The following ACSL5 variants were observed in gnomAD, a reference collection of about 807,000 sequenced individuals.
ACSL5 encodes the protein long-chain-fatty-acid--CoA ligase 5.
In ACSL5, 50 loss-of-function variants were observed where a neutral mutation model predicts 84.9. The observed-to-expected ratio is 0.59, with a 90% CI of 0.47 to 0.75. The LOEUF is 0.75. Ranked by LOEUF, ACSL5 falls within the 30% of genes least tolerant of loss-of-function variation. The probability of loss-of-function intolerance (pLI) is 0.00; values close to 1 mark genes in which losing one functional copy is unlikely to be tolerated. For missense variants in ACSL5, 775 were observed against 830.4 expected (o/e 0.93, Z 0.82); for synonymous variants, 280 against 300.7 (o/e 0.93, Z 0.71).
chr10:112,427,260 A>C lies in ACSL5; in HGVS notation c.1954A>C (p.Asn652His), dbSNP rs200993829. 5.3e-5 allele frequency: 86 copies of C among 1,613,656 alleles called. No individual in the cohort carries two copies. Among genetic ancestry groups the C allele is most frequent in the Non-Finnish European group, 6.8e-5 (80 of 1,179,886 alleles). Residue 652 changes from asparagine to histidine, a missense_variant, in exon 21 of 21, where the codon AAT becomes CAT. Coordinates refer to ENST00000354655, the MANE Select transcript of ACSL5 (RefSeq NM_203379.2). ...FLHPEPFSIENGLLTPTLKAK... is the reference protein window; with the variant it reads ...FLHPEPFSIEHGLLTPTLKAK... ...TCATCCAGAGCCATTTTCCATTGAAAATGGGCTCTTGACACCAACATTGAA... is the reference window on the plus strand; with the variant it reads ...TCATCCAGAGCCATTTTCCATTGAACATGGGCTCTTGACACCAACATTGAA...
chr10:112,405,085 G>A (rs1477037183), intron 5 of ACSL5, among the ~76,000 whole-genome samples: 1 of 152,132 alleles, frequency 6.6e-6, no homozygotes, highest in Non-Finnish European at 1.5e-5. Flanking sequence ...AGGAAAATAA[G>A]GAAGCTAGGA....
chr10:112,407,737 A>G (rs1844077564), intron 5 of ACSL5, among the ~76,000 whole-genome samples: 1 of 152,146 alleles, frequency 6.6e-6, no homozygotes, highest in Non-Finnish European at 1.5e-5. Context: ...CTCTACCTCC[A>G]TAACCAAATC....
intron 20 of ACSL5, 96 bp downstream of exon 20, chr10:112,426,955 T>C (rs1844748861): frequency 8.6e-7 from 1 of 1,160,464 alleles, no homozygotes; most frequent in Non-Finnish European, 1.3e-6. Context: ...TTCTAAGGAA[T>C]TGATTTTAGA....
intron 19 of ACSL5, 51 bp from the exon 20 acceptor site, chr10:112,426,737 C>A: frequency 6.5e-7 from 1 of 1,549,084 alleles, no homozygotes; most frequent in Non-Finnish European, 8.9e-7. Context: ...ATGCTTAGCC[C>A]TTCAGGCTTT....
At chr10:112,426,384 A>G in intron 19 of ACSL5, 25 bp downstream of exon 19, 3 of 1,589,290 alleles carry the variant, frequency 1.9e-6, no homozygotes, top group Middle Eastern at 1.7e-4. Flanking sequence ...GGAAAGCTTT[A>G]TGCACACCCA....
chr10:112,382,319 T>A (rs1849365927), intron 1 of ACSL5, among the ~76,000 whole-genome samples: 2 of 152,212 alleles, frequency 1.3e-5, no homozygotes, highest in Admixed American at 1.3e-4. Flanking sequence ...CTGCAAACTT[T>A]CCTTCAGCAG....
At chr10:112,420,895 T>C (rs1214101301) in intron 14 of ACSL5, among the ~76,000 whole-genome samples, 4 of 152,094 alleles carry the variant, frequency 2.6e-5, no homozygotes, top group Non-Finnish European at 4.4e-5. Context: ...CTAATTTTTG[T>C]ATTTTTAGTA....
chr10:112,404,396 C>A, intron 3 of ACSL5, 115 bp from the exon 4 acceptor site: 1 of 752,672 alleles, frequency 1.3e-6, no homozygotes, highest in Non-Finnish European at 2.2e-6. Flanking sequence ...AATAGAAGCT[C>A]AAATCCTTGT....
In ACSL5 at chr10:112,411,450, C is replaced by T. The variant is rs1346782577; in HGVS notation, c.797-6C>T. ...TATCTTTCTCTCCACCTCTTATTTC[C>T]TACAGGTGACCCCAAAGGAGCCATG... On this transcript the variant is annotated splice_region_variant and splice_polypyrimidine_tract_variant and intron_variant, in intron 9 of 20. Coordinates refer to ENST00000354655, the MANE Select transcript of ACSL5 (RefSeq NM_203379.2). The T allele has an allele frequency of 1.2e-6, 2 of 1,608,992 alleles. No homozygotes were observed. The highest frequency in any genetic ancestry group is 1.7e-5 in the Admixed American group (1 of 60,010).
intron 20 of ACSL5, 53 bp from the exon 21 acceptor site, chr10:112,427,165 C>T (rs1363240168): frequency 1.3e-6 from 2 of 1,556,344 alleles, no homozygotes; most frequent in Non-Finnish European, 1.7e-6. Flanking sequence ...GGGGGCTCTG[C>T]AGAGAAGTCC....
At chr10:112,386,879 C>T (rs539801201) in intron 1 of ACSL5, among the ~76,000 whole-genome samples, 12 of 152,288 alleles carry the variant, frequency 7.9e-5, no homozygotes, top group African/African-American at 2.9e-4. Flanking sequence ...GCTATTAACT[C>T]TCTGCATACC....
rs560875778 is a variant in ACSL5 at position 112,380,664 on chromosome 10, C to T, written c.-30+6395C>T. Among the ~76,000 whole-genome samples the T allele has an allele frequency of 2.0e-5, 3 of 152,282 alleles. No homozygotes were observed. The South Asian group carries it at 6.2e-4, about 32-fold the overall frequency. On this transcript the variant is annotated intron_variant, in intron 1 of 20. Coordinates refer to ENST00000354655, the MANE Select transcript of ACSL5 (RefSeq NM_203379.2). Reference sequence around the variant, plus strand: ...CGTGAAGAAAGTAGATAGAGAGACACAGACAACAGTTGAGAAAGATGGTTT... The same window carrying T: ...CGTGAAGAAAGTAGATAGAGAGACATAGACAACAGTTGAGAAAGATGGTTT...
intron 13 of ACSL5, among the ~76,000 whole-genome samples, chr10:112,417,473 A>AGCCTGGCAGTAGG (rs1844342927): frequency 6.6e-6 from 1 of 151,814 alleles, no homozygotes; most frequent in Non-Finnish European, 1.5e-5. Flanking sequence ...ACTGCACTCC[A>AGCCTGGCAGTAGG]GCCTGGGCAG....
At chr10:112,408,135 C>CA (rs1232823621) in intron 5 of ACSL5, among the ~76,000 whole-genome samples, 1 of 151,606 alleles carries the variant, frequency 6.6e-6, no homozygotes, top group African/African-American at 2.4e-5. Context: ...CCCGTCTCTA[C>CA]AAAAAATACA....
Position 112,427,464 on chromosome 10 carries a change from C to T in ACSL5, c.*106C>T, listed in dbSNP as rs899240142. ...TGCCTTTCCTCCTATTTTTTTTTAA[C>T]CTGTTAAACTCTAAAGCCATAGCTT... On this transcript the variant is annotated 3_prime_UTR_variant, in exon 21 of 21. Transcript: ENST00000354655. The T allele has an allele frequency of 2.3e-5, 25 of 1,099,774 alleles. No individual in the cohort carries two copies. The highest frequency in any genetic ancestry group is 1.3e-4 in the South Asian group (7 of 51,926). 68.1% of individuals were successfully genotyped at this position (1,099,774 alleles called of 1,614,324 possible).
In ACSL5 at chr10:112,410,595, A is replaced by G; in HGVS notation, c.756A>G (p.Pro252=). ...EHFRKPVPPS[P]EDLSVICFTS... The stretch of plus-strand genomic sequence containing the variant: ...GCTTCCTCCTCCAGCCTCCTAGCCC[A>G]GAAGACCTGAGCGTCATCTGCTTCA... The change falls in exon 9 of 21, where the codon CCA becomes CCG. Residue 252 remains proline, a synonymous_variant. Coordinates refer to ENST00000354655, the MANE Select transcript of ACSL5 (RefSeq NM_203379.2). 1 of 1,614,060 alleles carries G rather than the reference A, an allele frequency of 6.2e-7. No homozygotes were observed. The highest frequency in any genetic ancestry group is 8.5e-7 in the Non-Finnish European group (1 of 1,180,016).
At chr10:112,407,517 C>T (rs912207175) in intron 5 of ACSL5, among the ~76,000 whole-genome samples, 7 of 152,066 alleles carry the variant, frequency 4.6e-5, no homozygotes, top group African/African-American at 1.4e-4. Context: ...CCACTGCACC[C>T]GGCCTCAAGT....
intron 12 of ACSL5, among the ~76,000 whole-genome samples, chr10:112,415,537 T>C (rs1844295819): frequency 6.6e-6 from 1 of 152,254 alleles, no homozygotes; most frequent in African/African-American, 2.4e-5. Context: ...TGAAGAAAGA[T>C]AAATCTCTTT....
chr10:112,428,116 G>A lies in ACSL5; in HGVS notation c.*758G>A, dbSNP rs1844811776. The A allele has an allele frequency of 3.7e-6, 1 of 269,960 alleles. No homozygotes were observed. Among genetic ancestry groups the A allele is most frequent in the Middle Eastern group, 1.1e-3 (1 of 932 alleles). The allele number at this position is 269,960 out of a possible 1,614,324, so 16.7% of individuals were successfully genotyped here. A position where few individuals can be genotyped will look rare whatever the true frequency, so the allele number is the denominator to read the frequency against. On this transcript the variant is annotated 3_prime_UTR_variant, in exon 21 of 21. Transcript: ENST00000354655. The stretch of plus-strand genomic sequence containing the variant: ...TTCCCTACAGTTTGCTGCTGAGCTG[G>A]AAGCTGTGGGGGAAGGAGTTGACAG...
Sources: gnomAD v4.1 joint callset for allele counts (sites outside exome capture counted in the v4.1 genomes callset) on GRCh38, gnomAD v4.1.1 for gene constraint, MANE v1.5 for transcripts, NCBI Gene and HGNC (gene_info 2026-07-23, HGNC 2026-07-21) for gene names.